PPEF1: variants seen among roughly 807,000 people sequenced by gnomAD.
PPEF1 encodes protein phosphatase with EF-hand domain 1, also known as serine/threonine-protein phosphatase with EF-hands 1.
PPEF1 carries 12 observed loss-of-function variants against 53.3 expected under a neutral mutation model. The observed-to-expected ratio is 0.23, with a 90% CI of 0.14 to 0.36. The LOEUF (loss-of-function observed/expected upper bound fraction) is 0.36. PPEF1 is among the 10% of genes least tolerant of loss of function. PPEF1 has a pLI of 1.00. For synonymous variants in PPEF1, 165 were observed against 176.7 expected (o/e 0.93, Z 0.52); for missense variants, 334 against 490.4 (o/e 0.68, Z 3.01).
At chrX:18,805,577 G>C (rs2046641554) in intron 11 of PPEF1, among the ~76,000 whole-genome samples, 2 of 110,944 alleles carry the variant, frequency 1.8e-5, no homozygotes, top group South Asian at 7.9e-4. Flanking sequence ...GGGCACGGTG[G>C]CTCATGCCTG....
In PPEF1 at chrX:18,698,163, T is replaced by C. The variant is rs74567750; in HGVS notation, c.-226+232T>C. Among the ~76,000 whole-genome samples, 1,648 of 112,284 alleles carry C rather than the reference T, an allele frequency of 0.015. 28 individuals are homozygous for C. In the South Asian group the frequency reaches 0.15, roughly 10 times the overall value. On this transcript the variant is annotated intron_variant, in intron 5 of 21. Coordinates refer to the PPEF1 transcript ENST00000361511. ...TACCTAGAACATGGTCAGTGCTCAA[T>C]AGATATTATCATTATTGTGATTTAT... is the stretch of plus-strand genomic sequence containing the variant.
intron 9 of PPEF1, among the ~76,000 whole-genome samples, chrX:18,788,856 A>G (rs771659511): frequency 1.1e-3 from 119 of 112,625 alleles, no homozygotes; most frequent in Non-Finnish European, 1.8e-3. Context: ...TTTAACACCT[A>G]TAGAGAAACT....
chrX:18,697,606 A>G (rs1929802402), intron 4 of PPEF1, among the ~76,000 whole-genome samples: 1 of 110,542 alleles, frequency 9.0e-6, no homozygotes, highest in Non-Finnish European at 1.9e-5. Context: ...TACCTGTTTT[A>G]TTAGATATTT....
At chrX:18,724,080 G>A (rs1447382925) in intron 1 of PPEF1, among the ~76,000 whole-genome samples, 4 of 111,745 alleles carry the variant, frequency 3.6e-5, no homozygotes, top group South Asian at 3.7e-4. Context: ...GAGCCATTGC[G>A]CCTGGCCCCG....
At chrX:18,753,958 G>C (rs1407311378) in intron 4 of PPEF1, among the ~76,000 whole-genome samples, 3 of 109,380 alleles carry the variant, frequency 2.7e-5, no homozygotes, top group Non-Finnish European at 5.7e-5. Context: ...ATATCTATTA[G>C]GTCTAGTTGT....
upstream of PPEF1, among the ~76,000 whole-genome samples, chrX:18,706,097 G>C (rs1216328974): frequency 6.5e-5 from 7 of 107,579 alleles, no homozygotes; most frequent in African/African-American, 2.4e-4. Context: ...GGGAGACCCT[G>C]TCTCTACAAA....
At chrX:18,707,501 A>T (rs1199635145), upstream of PPEF1, among the ~76,000 whole-genome samples, 1 of 112,243 alleles carries the variant, frequency 8.9e-6, no homozygotes, top group Non-Finnish European at 1.9e-5. Context: ...TGTGTTTTGG[A>T]AAATAAGCCA....
intron 1 of PPEF1, among the ~76,000 whole-genome samples, chrX:18,724,602 C>T (rs1000130846): frequency 9.8e-5 from 11 of 112,005 alleles, no homozygotes; most frequent in Admixed American, 3.8e-4. Flanking sequence ...TACACATGCT[C>T]CTCAATAGCA....
At chrX:18,800,942 C>A (rs2046534388) in intron 10 of PPEF1, among the ~76,000 whole-genome samples, 1 of 111,539 alleles carries the variant, frequency 9.0e-6, no homozygotes, top group African/African-American at 3.3e-5. Context: ...GAAGCTTAAT[C>A]CCCTCCTAAC....
chrX:18,803,297 G>C (rs2046583975), intron 10 of PPEF1, among the ~76,000 whole-genome samples: 1 of 113,140 alleles, frequency 8.8e-6, no homozygotes, highest in Non-Finnish European at 1.9e-5. Flanking sequence ...CCTTTCAGCG[G>C]TTTTCCGCCC....
intron 5 of PPEF1, among the ~76,000 whole-genome samples, chrX:18,759,974 C>T (rs1044252284): frequency 1.8e-5 from 2 of 111,756 alleles, no homozygotes; most frequent in Non-Finnish European, 3.8e-5. Context: ...TGGATATTCA[C>T]ATAGTCACTC....
chrX:18,676,888 C>T (rs1256256392), intron 1 of PPEF1, among the ~76,000 whole-genome samples: 1 of 111,340 alleles, frequency 9.0e-6, no homozygotes, highest in Non-Finnish European at 1.9e-5. Context: ...CATGCTTAAC[C>T]TCTGTGCAGA....
chrX:18,696,540 T>C (rs1284939787), intron 4 of PPEF1, among the ~76,000 whole-genome samples: 3 of 111,750 alleles, frequency 2.7e-5, no homozygotes, highest in Non-Finnish European at 3.8e-5. Context: ...CTAATACTGC[T>C]GAACTCATTT....
chrX:18,742,519 A>G (rs948184221), intron 3 of PPEF1, among the ~76,000 whole-genome samples: 3 of 111,283 alleles, frequency 2.7e-5, no homozygotes, highest in Non-Finnish European at 3.8e-5. Flanking sequence ...GGAAAGATCA[A>G]ATGGTTTTAA....
chrX:18,777,323 TATACTG>T (rs1316679400), intron 6 of PPEF1, among the ~76,000 whole-genome samples: 1 of 112,462 alleles, frequency 8.9e-6, no homozygotes, highest in African/African-American at 3.2e-5. Flanking sequence ...TTATTTCTAT[TATACTG>T]ATATGAGCAA....
chrX:18,684,945 A>G (rs749749544), intron 2 of PPEF1, among the ~76,000 whole-genome samples: 3 of 112,116 alleles, frequency 2.7e-5, no homozygotes, highest in Non-Finnish European at 5.6e-5. Context: ...CCTAGTTTCT[A>G]AAGTCACTCC....
intron 12 of PPEF1, among the ~76,000 whole-genome samples, chrX:18,814,297 T>C (rs2046862468): frequency 8.9e-6 from 1 of 112,154 alleles, no homozygotes; most frequent in Admixed American, 9.6e-5. Context: ...AGTTCTATGA[T>C]GAACATACAA....
Sources: allele counts gnomAD v4.1 joint callset (sites outside exome capture counted in the v4.1 genomes callset), GRCh38; gene constraint gnomAD v4.1.1; transcripts MANE v1.5; gene names NCBI Gene and HGNC (gene_info 2026-07-23, HGNC 2026-07-21).